G3BP2: variants seen among roughly 807,000 people sequenced by gnomAD.
G3BP2 encodes the protein G3BP stress granule assembly factor 2.
G3BP2 carries 11 observed loss-of-function variants against 56.7 expected under a neutral mutation model. The ratio of observed to expected loss-of-function variants is 0.19; its 90% CI spans 0.12 to 0.32. G3BP2 has a LOEUF of 0.32. G3BP2 is among the 10% of genes least tolerant of loss of function. G3BP2 has a pLI of 1.00. For missense variants in G3BP2, 340 were observed against 610.9 expected (o/e 0.56, Z 4.67); for synonymous variants, 165 against 191.6 (o/e 0.86, Z 1.15).
In G3BP2 at chr4:75,656,982, A is replaced by G; in HGVS notation, c.384T>C (p.Asn128=). 1 of 1,517,310 alleles carries G rather than the reference A, an allele frequency of 6.6e-7. No individual in the cohort carries two copies. Among genetic ancestry groups the G allele is most frequent in the Non-Finnish European group, 9.1e-7 (1 of 1,100,532 alleles). 94.0% of individuals were successfully genotyped at this position (1,517,310 alleles called of 1,614,324 possible). The change falls in exon 5 of 12, where the codon AAT becomes AAC. Residue 128 remains asparagine, a synonymous_variant. Transcript: ENST00000359707. ...CTTCATCTTCATAACGAAACATATC[A>G]TTGTGAACATAAAATTTATTTGGAA... ...GSVPNKFYVH[N]DMFRYEDEVF... is the part of the protein sequence containing the mutation.
upstream of G3BP2, among the ~76,000 whole-genome samples, chr4:75,677,129 T>C (rs1438529730): frequency 6.6e-6 from 1 of 152,188 alleles, no homozygotes; most frequent in East Asian, 1.9e-4. Flanking sequence ...ATAAAATACT[T>C]AGATAAGTAT....
At chr4:75,651,060 G>A (rs1027584930) in intron 8 of G3BP2, among the ~76,000 whole-genome samples, 1 of 152,162 alleles carries the variant, frequency 6.6e-6, no homozygotes, top group Non-Finnish European at 1.5e-5. Context: ...TGTATTTGGG[G>A]TTTAATTCTA....
chr4:75,692,812 A>C (rs1718923531), intron 3 of G3BP2, among the ~76,000 whole-genome samples: 1 of 152,236 alleles, frequency 6.6e-6, no homozygotes, highest in Non-Finnish European at 1.5e-5. Flanking sequence ...ACAAGGTGTC[A>C]AGCAACATGG....
At chr4:75,668,694 G>A (rs1733249059) in intron 1 of G3BP2, among the ~76,000 whole-genome samples, 1 of 152,078 alleles carries the variant, frequency 6.6e-6, no homozygotes, top group South Asian at 2.1e-4. Context: ...CAAGAAGCAG[G>A]ACTTTTGACT....
chr4:75,654,042 G>A lies in G3BP2; in HGVS notation c.766C>T (p.Pro256Ser). ...CCAGAGGAAGAAACAGTACCACTAG[G>A]AGGCAGGTTTTTACTGGTCACTGAA... is the stretch of plus-strand genomic sequence containing the variant. ...WASVTSKNLP[P>S]SGTVSSSGIP... Residue 256 changes from proline (P) to serine (S), a missense_variant, in exon 8 of 12, where the codon CCT becomes TCT. Pro to Ser is a moderately conservative substitution (Grantham distance 74). Transcript: ENST00000359707. 6.2e-7 allele frequency: 1 copy of A among 1,600,300 alleles called. No homozygotes were observed. The highest frequency in any genetic ancestry group is 1.3e-5 in the African/African-American group (1 of 74,720).
At chr4:75,699,216 T>C (rs1410590280) in intron 3 of G3BP2, among the ~76,000 whole-genome samples, 1 of 152,144 alleles carries the variant, frequency 6.6e-6, no homozygotes, top group Non-Finnish European at 1.5e-5. Context: ...GCACCCAGTG[T>C]AAAAACAACA....
chr4:75,671,099 C>G (rs1733447449), intron 1 of G3BP2, among the ~76,000 whole-genome samples: 1 of 152,140 alleles, frequency 6.6e-6, no homozygotes, highest in Non-Finnish European at 1.5e-5. Flanking sequence ...TAGGCCAGGA[C>G]CTTCCTGAAG....
intron 3 of G3BP2, among the ~76,000 whole-genome samples, chr4:75,700,506 G>T (rs13137468): frequency 0.82 from 65,035 of 79,756 alleles, 27,722 homozygotes; most frequent in East Asian, 0.87. Context: ...CTGCAACCTC[G>T]TCTTACCAGG....
upstream of G3BP2, among the ~76,000 whole-genome samples, chr4:75,678,241 G>A (rs1216782894): frequency 6.6e-6 from 1 of 151,818 alleles, no homozygotes; most frequent in African/African-American, 2.4e-5. Context: ...TTGCAGCCTC[G>A]ACTTCTCAGC....
chr4:75,674,299 A>G (rs966452081), upstream of G3BP2, among the ~76,000 whole-genome samples: 1 of 152,224 alleles, frequency 6.6e-6, no homozygotes, highest in South Asian at 2.1e-4. Context: ...AGGAAAAAAT[A>G]CATTAATGAA....
chr4:75,655,947 A>G (rs1732068954), intron 5 of G3BP2, 77 bp from the exon 6 acceptor site: 2 of 802,126 alleles, frequency 2.5e-6, no homozygotes, highest in Non-Finnish European at 2.1e-6. Flanking sequence ...AACATGTTTA[A>G]GGAAGTGGTA....
intron 8 of G3BP2, among the ~76,000 whole-genome samples, chr4:75,651,931 C>T (rs1731724676): frequency 1.3e-5 from 2 of 152,024 alleles, no homozygotes; most frequent in South Asian, 2.1e-4. Context: ...CTACCAATAC[C>T]CTGGAATTAA....
chr4:75,679,763 C>G (rs1734004254), intron 3 of G3BP2, among the ~76,000 whole-genome samples: 1 of 152,040 alleles, frequency 6.6e-6, no homozygotes, highest in Non-Finnish European at 1.5e-5. Context: ...TGAAAATAAC[C>G]CACCCTGAAT....
chr4:75,643,500 C>G lies in G3BP2; in HGVS notation c.*1930G>C, dbSNP rs1731012918. On this transcript the variant is annotated 3_prime_UTR_variant, in exon 12 of 12. Coordinates refer to ENST00000359707, the MANE Select transcript of G3BP2 (RefSeq NM_203505.3). ...AACAGAAAAAAAAAAAATCCTTAAG[C>G]CCCCCAAAAATGGAAACTATGAAAA... The G allele has an allele frequency of 6.6e-6, 1 of 150,586 alleles. No individual in the cohort carries two copies. Among genetic ancestry groups the G allele is most frequent in the Non-Finnish European group, 1.5e-5 (1 of 67,596 alleles). The allele number at this position is 150,586 out of a possible 1,614,324, so 9.3% of individuals were successfully genotyped here. A position where few individuals can be genotyped will look rare whatever the true frequency, so the allele number is the denominator to read the frequency against.
rs1157965371 is a variant in G3BP2 at position 75,690,827 on chromosome 4, G to A, written c.-24-28778C>T. Among the ~76,000 whole-genome samples the A allele has an allele frequency of 2.6e-5, 4 of 152,184 alleles. No individual in the cohort carries two copies. In the East Asian group the frequency reaches 5.8e-4, roughly 22 times the overall value. On this transcript the variant is annotated intron_variant, in intron 3 of 3. Coordinates refer to the G3BP2 transcript ENST00000499709. ...AATCCACCTGCCTCGGCCTTCTGGA[G>A]AGCTGGGATTACAGGTGTGAGCCAC...
chr4:75,645,134 A>T lies in G3BP2; in HGVS notation c.*296T>A. The T allele has an allele frequency of 3.1e-6, 1 of 326,290 alleles. No homozygotes were observed. Among genetic ancestry groups the T allele is most frequent in the Non-Finnish European group, 5.5e-6 (1 of 180,592 alleles). 20.2% of individuals were successfully genotyped at this position (326,290 alleles called of 1,614,324 possible). A position where few individuals can be genotyped will look rare whatever the true frequency, so the allele number is the denominator to read the frequency against. On this transcript the variant is annotated 3_prime_UTR_variant, in exon 12 of 12. Coordinates refer to ENST00000359707, the MANE Select transcript of G3BP2 (RefSeq NM_203505.3). ...AGAAGATTTTTTTTTTACTCAAAGG[A>T]CCTGAATTCAGTGGGCATGTCCTTT...
chr4:75,711,725 A>G (rs1719766286), intron 3 of G3BP2, among the ~76,000 whole-genome samples: 2 of 151,976 alleles, frequency 1.3e-5, no homozygotes, highest in Non-Finnish European at 1.5e-5. Flanking sequence ...AAAAATAAAT[A>G]ATATAATATA....
At chr4:75,684,213 G>A (rs906904778) in intron 3 of G3BP2, among the ~76,000 whole-genome samples, 5 of 152,050 alleles carry the variant, frequency 3.3e-5, no homozygotes, top group Non-Finnish European at 7.4e-5. Context: ...AGACCAGCCT[G>A]GCCAATATGG....
upstream of G3BP2, among the ~76,000 whole-genome samples, chr4:75,676,275 G>A (rs557713372): frequency 2.0e-5 from 3 of 152,004 alleles, no homozygotes; most frequent in South Asian, 2.1e-4. Flanking sequence ...GTATTCATTC[G>A]GTGGCTCAGG....
Sources: gnomAD v4.1 joint callset for allele counts (sites outside exome capture counted in the v4.1 genomes callset) on GRCh38, gnomAD v4.1.1 for gene constraint, MANE v1.5 for transcripts, NCBI Gene and HGNC (gene_info 2026-07-23, HGNC 2026-07-21) for gene names.